Variants in STAG1 observed in about 807,000 individuals in gnomAD.
STAG1 encodes STAG1 cohesin complex component.
A neutral mutation model predicts 170.9 loss-of-function variants in STAG1; 26 were observed. The observed-to-expected ratio is 0.15, with a 90% CI of 0.11 to 0.21. The LOEUF (loss-of-function observed/expected upper bound fraction) is 0.21. STAG1 is among the 10% of genes least tolerant of loss of function. The probability of loss-of-function intolerance (pLI) is 1.00; values close to 1 mark genes in which losing one functional copy is unlikely to be tolerated. For synonymous variants in STAG1, 514 were observed against 497.7 expected, an observed-to-expected ratio of 1.03 and a Z score of -0.44; for missense variants, 964 against 1,509.5, an observed-to-expected ratio of 0.64 and a Z score of 5.99.
At chr3:136,463,727 A>ATGTGTGTG (rs1310748716) in intron 13 of STAG1, among the ~76,000 whole-genome samples, 5 of 88,548 alleles carry the variant, frequency 5.6e-5, no homozygotes, top group African/African-American at 2.4e-4. Context: ...AAAAAAAAAA[A>ATGTGTGTG]TGTGTATATG....
At chr3:136,667,411 TAGAC>T (rs766167656) in intron 1 of STAG1, among the ~76,000 whole-genome samples, 91 of 151,382 alleles carry the variant, frequency 6.0e-4, no homozygotes, top group African/African-American at 1.0e-3. Context: ...GATAGATAGA[TAGAC>T]AGACAGACAG....
chr3:136,649,387 G>A (rs749672131), intron 1 of STAG1, among the ~76,000 whole-genome samples: 21 of 151,698 alleles, frequency 1.4e-4, no homozygotes, highest in Non-Finnish European at 2.8e-4. Context: ...GCTGAGGCAT[G>A]AGAATTGCTT....
chr3:136,583,333 T>C (rs1013944514), intron 4 of STAG1, among the ~76,000 whole-genome samples: 4 of 152,218 alleles, frequency 2.6e-5, no homozygotes, highest in African/African-American at 7.2e-5. Flanking sequence ...ATAATATCTA[T>C]AAATACAAAA....
In STAG1 at chr3:136,551,198, T is replaced by TGA. The variant is rs200132855; in HGVS notation, c.395-9005_395-9004dup. 4.6e-4 allele frequency among the ~76,000 whole-genome samples: 20 copies of TGA among 43,126 alleles called. 1 individual carries two copies. Among genetic ancestry groups the TGA allele is most frequent in the African/African-American group, 2.0e-3 (17 of 8,530 alleles). 28.3% of individuals were successfully genotyped at this position (43,126 alleles called of 152,430 possible). A position where few individuals can be genotyped will look rare whatever the true frequency, so the allele number is the denominator to read the frequency against. On this transcript the variant is annotated intron_variant, in intron 5 of 33. Coordinates refer to ENST00000383202, the MANE Select transcript of STAG1 (RefSeq NM_005862.3). ...TTTTTTTTGAGAGAGAGAGAGAGGTTGAGAGAGAGTGAGAGAGAGAGAGAG... is the reference window on the plus strand; with the variant it reads ...TTTTTTTTGAGAGAGAGAGAGAGGTTGAGAGAGAGAGTGAGAGAGAGAGAGAG...
At chr3:136,544,944 G>A (rs1936088248) in intron 5 of STAG1, among the ~76,000 whole-genome samples, 1 of 152,124 alleles carries the variant, frequency 6.6e-6, no homozygotes, top group Non-Finnish European at 1.5e-5. Context: ...TTCTTTTACA[G>A]AGTGGATTAT....
intron 4 of STAG1, among the ~76,000 whole-genome samples, chr3:136,599,232 A>G (rs186730091): frequency 3.9e-4 from 60 of 152,248 alleles, no homozygotes; most frequent in Admixed American, 3.1e-3. Context: ...TGCAGCCATT[A>G]AAAGGAAAGA....
intron 1 of STAG1, among the ~76,000 whole-genome samples, chr3:136,657,711 A>G (rs1197005448): frequency 1.3e-5 from 2 of 151,958 alleles, no homozygotes; most frequent in Non-Finnish European, 2.9e-5. Context: ...AGTTTCAGCT[A>G]CTCCTGAGGC....
At chr3:136,477,759 G>A (rs1285992740) in intron 9 of STAG1, among the ~76,000 whole-genome samples, 1 of 152,106 alleles carries the variant, frequency 6.6e-6, no homozygotes, top group Non-Finnish European at 1.5e-5. Context: ...TCCAAGTACA[G>A]AATAATGTTT....
intron 1 of STAG1, among the ~76,000 whole-genome samples, chr3:136,690,517 G>A (rs947848470): frequency 2.6e-5 from 4 of 152,206 alleles, no homozygotes; most frequent in Admixed American, 1.3e-4. Flanking sequence ...GATTACAGGC[G>A]TGAGCCACCG....
chr3:136,447,372 G>A (rs1273896925), intron 14 of STAG1, among the ~76,000 whole-genome samples: 1 of 151,708 alleles, frequency 6.6e-6, no homozygotes, highest in Non-Finnish European at 1.5e-5. Context: ...AGGAGGCTGA[G>A]GCAGGAGAAT....
chr3:136,434,090 T>A (rs1451388687), intron 15 of STAG1, among the ~76,000 whole-genome samples: 1 of 152,200 alleles, frequency 6.6e-6, no homozygotes, highest in Admixed American at 6.5e-5. Flanking sequence ...GTATGTACCA[T>A]AATTCAGTCA....
chr3:136,472,301 C>T lies in STAG1; in HGVS notation c.1205+112G>A, dbSNP rs543528614. ...CTAACGTTAAAATGTAAAAGTTGAACCTAAAATGATAAACATATACATAAG... is the reference window on the plus strand; with the variant it reads ...CTAACGTTAAAATGTAAAAGTTGAATCTAAAATGATAAACATATACATAAG... On this transcript the variant is annotated intron_variant, in intron 12 of 33. Transcript: ENST00000383202. 4 of 558,284 alleles carry T rather than the reference C, an allele frequency of 7.2e-6. No individual in the cohort carries two copies. The African/African-American group carries it at 7.8e-5, about 11-fold the overall frequency. The allele number at this position is 558,284 out of a possible 1,614,324, so 34.6% of individuals were successfully genotyped here. A position where few individuals can be genotyped will look rare whatever the true frequency, so the allele number is the denominator to read the frequency against.
intron 5 of STAG1, 92 bp downstream of exon 5, chr3:136,568,673 G>A: frequency 2.4e-6 from 2 of 824,144 alleles, no homozygotes; most frequent in South Asian, 1.5e-5. Context: ...TAATTTTAGG[G>A]TAAATTATAT....
intron 1 of STAG1, among the ~76,000 whole-genome samples, chr3:136,667,104 A>G (rs1941810667): frequency 6.6e-6 from 1 of 152,252 alleles, no homozygotes; most frequent in South Asian, 2.1e-4. Flanking sequence ...AGGCGGTCTA[A>G]ATAATATATA....
At chr3:136,525,089 T>A (rs535715120) in intron 6 of STAG1, among the ~76,000 whole-genome samples, 1 of 152,230 alleles carries the variant, frequency 6.6e-6, no homozygotes, top group Admixed American at 6.5e-5. Flanking sequence ...GGCTTTGGTA[T>A]CAAGATGATG....
At chr3:136,527,444 C>T (rs1260487594) in intron 6 of STAG1, among the ~76,000 whole-genome samples, 1 of 152,326 alleles carries the variant, frequency 6.6e-6, no homozygotes, top group Middle Eastern at 3.4e-3. Context: ...TCAGCTCCAT[C>T]ACACCATTTA....
chr3:136,468,908 C>G (rs1200599338), intron 12 of STAG1, among the ~76,000 whole-genome samples: 1 of 152,082 alleles, frequency 6.6e-6, no homozygotes, highest in Non-Finnish European at 1.5e-5. Context: ...TCAATACATG[C>G]AGAAAAGGCC....
chr3:136,696,969 T>C (rs1942913168), intron 1 of STAG1, among the ~76,000 whole-genome samples: 1 of 152,182 alleles, frequency 6.6e-6, no homozygotes, highest in Non-Finnish European at 1.5e-5. Context: ...ATGAAACTCA[T>C]GAAACTGAAC....
Position 136,363,471 on chromosome 3 carries a change from T to G in STAG1, c.2686-4A>C. ...TATCACCATAGTCATTGTAATACTG[T>G]GAGGGAAAGAAAGAAAACATGGCTT... On this transcript the variant is annotated splice_polypyrimidine_tract_variant and splice_region_variant and intron_variant, in intron 25 of 33. Transcript: ENST00000383202. 1 of 1,347,000 alleles carries G rather than the reference T, an allele frequency of 7.4e-7. No homozygotes were observed. The highest frequency in any genetic ancestry group is 1.0e-6 in the Non-Finnish European group (1 of 975,944). 83.4% of individuals were successfully genotyped at this position (1,347,000 alleles called of 1,614,324 possible).
Sources: allele counts gnomAD v4.1 joint callset (sites outside exome capture counted in the v4.1 genomes callset), GRCh38; gene constraint gnomAD v4.1.1; transcripts MANE v1.5; gene names NCBI Gene and HGNC (gene_info 2026-07-23, HGNC 2026-07-21).